CA10: variants seen among roughly 807,000 people sequenced by gnomAD.
CA10 encodes carbonic anhydrase 10 (inactive).
A neutral mutation model predicts 44.2 loss-of-function variants in CA10; 14 were observed. That is an observed-to-expected ratio of 0.32 (90% CI 0.21 to 0.50). The LOEUF (loss-of-function observed/expected upper bound fraction) is 0.50. Ranked by LOEUF, CA10 falls within the 20% of genes least tolerant of loss-of-function variation. The probability of loss-of-function intolerance (pLI) is 0.99; values close to 1 mark genes in which losing one functional copy is unlikely to be tolerated. For missense variants in CA10, 350 were observed against 409.7 expected (o/e 0.85, Z 1.26); for synonymous variants, 159 against 141.6 (o/e 1.12, Z -0.87).
chr17:51,732,020 ACAT>A (rs1916740776), intron 4 of CA10, among the ~76,000 whole-genome samples: 1 of 149,488 alleles, frequency 6.7e-6, no homozygotes, highest in Non-Finnish European at 1.5e-5. Flanking sequence ...TTTGAGGTTG[ACAT>A]CATTATTATT....
intron 2 of CA10, among the ~76,000 whole-genome samples, chr17:52,002,244 A>C (rs1985450942): frequency 1.3e-5 from 2 of 152,016 alleles, no homozygotes; most frequent in Non-Finnish European, 2.9e-5. Context: ...AAAATAAAAA[A>C]CATGAATCTC....
intron 3 of CA10, among the ~76,000 whole-genome samples, chr17:51,752,703 C>A (rs751208027): frequency 6.6e-6 from 1 of 152,022 alleles, no homozygotes; most frequent in Non-Finnish European, 1.5e-5. Flanking sequence ...TCGAGGCAGG[C>A]GGATCACCTG....
chr17:51,793,774 C>T (rs529653870), intron 3 of CA10, among the ~76,000 whole-genome samples: 126 of 152,302 alleles, frequency 8.3e-4, no homozygotes, highest in Admixed American at 1.8e-3. Flanking sequence ...GTTTGGTGTT[C>T]CTTGTGCTTT....
intron 2 of CA10, among the ~76,000 whole-genome samples, chr17:52,060,038 T>A (rs188963294): frequency 9.8e-5 from 15 of 152,308 alleles, no homozygotes; most frequent in Admixed American, 9.2e-4. Flanking sequence ...ATCTTCCACA[T>A]TTACTGATTG....
intron 1 of CA10, among the ~76,000 whole-genome samples, chr17:52,147,657 C>T (rs550182477): frequency 5.9e-5 from 9 of 152,226 alleles, no homozygotes; most frequent in African/African-American, 2.2e-4. Context: ...ATAATGACTT[C>T]ACTACTTTAT....
chr17:51,749,183 A>G (rs1211408941), intron 3 of CA10, among the ~76,000 whole-genome samples: 1 of 152,230 alleles, frequency 6.6e-6, no homozygotes, highest in Non-Finnish European at 1.5e-5. Context: ...AATGACAGGA[A>G]TTCTTCCCCT....
intron 4 of CA10, among the ~76,000 whole-genome samples, chr17:51,692,844 T>A (rs1915263969): frequency 6.6e-6 from 1 of 152,250 alleles, no homozygotes; most frequent in Non-Finnish European, 1.5e-5. Context: ...CAGTTTCAAC[T>A]GGCCGTGACT....
At position 51,931,002 on chromosome 17, in the gene CA10, C is replaced by A. The variant is rs556166013; in HGVS notation, c.267G>T (p.Thr89=). ...TATGGTGGCTTACCTTCCTGCCCCC[C>A]GTGTTGATGCGAAGAGGTGTCAGAA... ...DPFLTPLRIN[T]GGRKVSGTMY... is the part of the protein sequence containing the mutation. Residue 89 remains threonine (T), a synonymous_variant, in exon 3 of 9, where the codon ACG becomes ACT. Transcript: ENST00000451037. 1.2e-6 allele frequency: 2 copies of A among 1,613,042 alleles called. No individual in the cohort carries two copies. Among genetic ancestry groups the A allele is most frequent in the East Asian group, 2.2e-5 (1 of 44,852 alleles).
chr17:51,995,678 T>C (rs1423050438), intron 2 of CA10, among the ~76,000 whole-genome samples: 3 of 152,096 alleles, frequency 2.0e-5, no homozygotes, highest in African/African-American at 2.4e-5. Context: ...GAGAAAGTTA[T>C]GTGTTCTTTG....
intron 4 of CA10, among the ~76,000 whole-genome samples, chr17:51,699,465 C>A (rs1597993475): frequency 6.6e-6 from 1 of 152,286 alleles, no homozygotes; most frequent in Non-Finnish European, 1.5e-5. Flanking sequence ...CGGAGACACA[C>A]ACAGCCCCCA....
At chr17:52,057,039 G>C (rs1028320017) in intron 2 of CA10, among the ~76,000 whole-genome samples, 1 of 152,010 alleles carries the variant, frequency 6.6e-6, no homozygotes, top group Non-Finnish European at 1.5e-5. Context: ...TGTTCTCTTG[G>C]AACAAAACTC....
At chr17:51,658,436 G>C (rs1406607338) in intron 4 of CA10, among the ~76,000 whole-genome samples, 1 of 152,230 alleles carries the variant, frequency 6.6e-6, no homozygotes, top group East Asian at 1.9e-4. Context: ...GGATGCAGAA[G>C]TGGGGGCAAC....
At chr17:51,747,377 T>G (rs1904724986) in intron 4 of CA10, among the ~76,000 whole-genome samples, 5 of 152,202 alleles carry the variant, frequency 3.3e-5, no homozygotes, top group Admixed American at 6.5e-5. Context: ...TCACTGGACA[T>G]GAGTCTCAAG....
intron 1 of CA10, 141 bp from the exon 2 acceptor site, chr17:52,072,534 C>T (rs1391619592): frequency 9.6e-6 from 4 of 417,572 alleles, no homozygotes; most frequent in South Asian, 6.4e-5. Flanking sequence ...TTCCTTCTCC[C>T]TTCCCTTTTT....
chr17:51,903,079 G>T (rs1315808975), intron 3 of CA10, among the ~76,000 whole-genome samples: 2 of 152,124 alleles, frequency 1.3e-5, no homozygotes, highest in East Asian at 3.9e-4. Context: ...TATCCTCAAG[G>T]ATTATCATCT....
intron 6 of CA10, among the ~76,000 whole-genome samples, chr17:51,636,689 C>T (rs918057989): frequency 2.0e-5 from 3 of 151,646 alleles, no homozygotes; most frequent in African/African-American, 4.8e-5. Flanking sequence ...CTTAAAACAA[C>T]AATAAGAAAA....
At chr17:52,104,188 CT>C (rs3066269) in intron 1 of CA10, among the ~76,000 whole-genome samples, 1,921 of 145,634 alleles carry the variant, frequency 0.013, 29 homozygotes, top group African/African-American at 0.032. Context: ...CACCTCCTGC[CT>C]TTTTTTTTTT....
intron 3 of CA10, among the ~76,000 whole-genome samples, chr17:51,831,733 A>AGCAGCAGCCGCCGCCGCCGCAGC (rs1567854687): frequency 8.2e-6 from 1 of 121,522 alleles, no homozygotes; most frequent in African/African-American, 4.1e-5. Flanking sequence ...GCAGCAGCAG[A>AGCAGCAGCCGCCGCCGCCGCAGC]AAAAGACCTT....
chr17:51,724,518 T>C (rs1484123920), intron 4 of CA10, among the ~76,000 whole-genome samples: 1 of 152,178 alleles, frequency 6.6e-6, no homozygotes, highest in Non-Finnish European at 1.5e-5. Flanking sequence ...CCTCACTCTG[T>C]CTTTGCTTAA....
Sources: gnomAD v4.1 joint callset for allele counts (sites outside exome capture counted in the v4.1 genomes callset) on GRCh38, gnomAD v4.1.1 for gene constraint, MANE v1.5 for transcripts, NCBI Gene and HGNC (gene_info 2026-07-23, HGNC 2026-07-21) for gene names.